Variants in HEATR4 observed in about 807,000 individuals in gnomAD.
The protein encoded by HEATR4 is HEAT repeat-containing protein 4.
Under a neutral mutation model 108.8 loss-of-function variants are expected in HEATR4, and 95 were observed. That is an observed-to-expected ratio of 0.87 (90% CI 0.74 to 1.04). The LOEUF is 1.04. HEATR4 is among the 50% of genes least tolerant of loss of function. The probability of loss-of-function intolerance (pLI) is 0.00; values close to 1 mark genes in which losing one functional copy is unlikely to be tolerated. For missense variants in HEATR4, 1,152 were observed against 1,253.8 expected (o/e 0.92, Z 1.23); for synonymous variants, 443 against 459.4 (o/e 0.96, Z 0.46).
rs199933128 is a variant in HEATR4 at position 73,532,288 on chromosome 14, C to T, written c.-151-2044G>A. 1.7e-5 allele frequency among the ~76,000 whole-genome samples: 2 copies of T among 115,544 alleles called. 1 individual carries two copies. Among genetic ancestry groups the T allele is most frequent in the East Asian group, 1.3e-3 (2 of 1,482 alleles). The allele number at this position is 115,544 out of a possible 152,430, so 75.8% of individuals were successfully genotyped here. ...GTTCAATCCTATTTTCCCTGATCTC[C>T]AAATCCTGGCTAGATTATTAGCCAT... is the stretch of plus-strand genomic sequence containing the variant. On this transcript the variant is annotated intron_variant, in intron 1 of 17. Transcript: ENST00000553558.
Position 73,551,368 on chromosome 14 carries a change from C to T in HEATR4, c.-152+7383G>A, listed in dbSNP as rs1374350246. 1.4e-4 allele frequency among the ~76,000 whole-genome samples: 16 copies of T among 114,628 alleles called. 5 individuals carry two copies. The South Asian group carries it at 1.7e-3, about 12-fold the overall frequency. The allele number at this position is 114,628 out of a possible 152,430, so 75.2% of individuals were successfully genotyped here. ...GTCAGGTGGTGGTTGACAGTTATCA[C>T]GTTGCCTCTCTAAACTGAAAATTCG... On this transcript the variant is annotated intron_variant, in intron 1 of 17. Coordinates refer to ENST00000553558, the MANE Select transcript of HEATR4 (RefSeq NM_001220484.1).
the HEATR4 span, among the ~76,000 whole-genome samples, chr14:73,589,259 C>T: frequency 1.3e-5 from 2 of 152,300 alleles, no homozygotes; most frequent in African/African-American, 4.8e-5. Flanking sequence ...TCCCTGGCAA[C>T]TACTGATCTT....
the HEATR4 span, among the ~76,000 whole-genome samples, chr14:73,623,968 C>T: frequency 6.6e-6 from 1 of 151,968 alleles, no homozygotes; most frequent in Non-Finnish European, 1.5e-5. Flanking sequence ...GCTTCTTGTA[C>T]AGCCTGCAGA....
At chr14:73,569,285 C>T in the HEATR4 span, 8 of 1,613,936 alleles carry the variant, frequency 5.0e-6, no homozygotes, top group Non-Finnish European at 6.8e-6. Context: ...CAGTTGTTCT[C>T]AGGTCTGAAT....
At chr14:73,569,305 C>A in the HEATR4 span, 1 of 1,613,816 alleles carries the variant, frequency 6.2e-7, no homozygotes, top group Admixed American at 1.7e-5. Context: ...TTCAAAATGG[C>A]CTCATCTCCT....
At chr14:73,514,723 G>C (rs1350560390) in intron 5 of HEATR4, among the ~76,000 whole-genome samples, 3 of 152,058 alleles carry the variant, frequency 2.0e-5, no homozygotes, top group Non-Finnish European at 4.4e-5. Context: ...TTTTCCTCAA[G>C]ACAACAGAAA....
intron 11 of HEATR4, among the ~76,000 whole-genome samples, chr14:73,502,611 G>A (rs1467123283): frequency 6.6e-6 from 1 of 151,924 alleles, no homozygotes; most frequent in Admixed American, 6.6e-5. Flanking sequence ...GCAGTGGCGC[G>A]ATCTCTGCTC....
intron 1 of HEATR4, chr14:73,537,950 TGTC>T: frequency 9.4e-7 from 1 of 1,067,918 alleles, no homozygotes; most frequent in Non-Finnish European, 1.2e-6. Context: ...TGTGTGTGTG[TGTC>T]CCCTTCGCCC....
chr14:73,503,675 A>G (rs1886625315), intron 10 of HEATR4, among the ~76,000 whole-genome samples: 1 of 152,188 alleles, frequency 6.6e-6, no homozygotes, highest in South Asian at 2.1e-4. Context: ...TCCTTAGTGA[A>G]GTCTTCTTTG....
the HEATR4 span, chr14:73,633,652 G>C: frequency 3.3e-5 from 5 of 152,192 alleles, no homozygotes; most frequent in African/African-American, 7.2e-5. Flanking sequence ...GCCAGAGGCC[G>C]GCACTTACCG....
chr14:73,622,470 T>C, the HEATR4 span, among the ~76,000 whole-genome samples: 1 of 152,126 alleles, frequency 6.6e-6, no homozygotes, highest in Non-Finnish European at 1.5e-5. Context: ...TGGTGCGATC[T>C]CGGCTCACCG....
the HEATR4 span, among the ~76,000 whole-genome samples, chr14:73,568,533 C>T: frequency 6.6e-6 from 1 of 151,766 alleles, no homozygotes; most frequent in African/African-American, 2.4e-5. Flanking sequence ...CCGCTGTACT[C>T]CAGTCTGGCA....
At chr14:73,506,709 A>G (rs1886851718) in intron 9 of HEATR4, 138 bp from the exon 10 acceptor site, 1 of 556,762 alleles carries the variant, frequency 1.8e-6, no homozygotes, top group South Asian at 2.5e-5. Context: ...TGTTTCCATC[A>G]CAGCCAACTG....
At chr14:73,508,409 C>T in intron 8 of HEATR4, 115 bp from the exon 9 acceptor site, 2 of 810,320 alleles carry the variant, frequency 2.5e-6, no homozygotes, top group Non-Finnish European at 4.0e-6. Context: ...CTTCCTTGTG[C>T]CCCACTCAGT....
chr14:73,585,483 A>T, the HEATR4 span, among the ~76,000 whole-genome samples: 1 of 152,058 alleles, frequency 6.6e-6, no homozygotes, highest in African/African-American at 2.4e-5. Flanking sequence ...TAAGGAGTTC[A>T]AGACCAGCCT....
chr14:73,546,600 G>A (rs1481695703), intron 1 of HEATR4, among the ~76,000 whole-genome samples: 1 of 114,516 alleles, frequency 8.7e-6, no homozygotes, highest in African/African-American at 2.8e-5. Context: ...CTGGGCTCAA[G>A]CAGTCTGTCC....
At position 73,522,590 on chromosome 14, in the gene HEATR4, C is replaced by G. The variant is rs1888042273; in HGVS notation, c.563G>C (p.Arg188Thr). 5.0e-6 allele frequency: 8 copies of G among 1,614,234 alleles called. No individual in the cohort carries two copies. In the East Asian group the frequency reaches 1.8e-4, roughly 36 times the overall value. ...PPSLDVNLEE[R>T]EAWLLPPEKE... ...CTCAGGAGGCAGAAGCCAGGCTTCT[C>G]TTTCCTCCAGGTTCACATCTAGAGA... The change falls in exon 3 of 18, where the codon AGA becomes ACA. Residue 188 changes from arginine (R) to threonine (T), a missense_variant. Arg to Thr is a moderately conservative substitution (Grantham distance 71). Transcript: ENST00000553558.
the HEATR4 span, among the ~76,000 whole-genome samples, chr14:73,622,272 G>A: frequency 6.6e-6 from 1 of 152,058 alleles, no homozygotes. Flanking sequence ...TATATGTATT[G>A]AAGAACTAGG....
Position 73,490,978 on chromosome 14 carries a change from C to T in HEATR4, c.2844+2088G>A, listed in dbSNP as rs779912739. 11 of 1,319,244 alleles carry T rather than the reference C, an allele frequency of 8.3e-6. No individual in the cohort carries two copies. The African/African-American group carries it at 1.2e-4, about 15-fold the overall frequency. The allele number at this position is 1,319,244 out of a possible 1,614,324, so 81.7% of individuals were successfully genotyped here. A position where few individuals can be genotyped will look rare whatever the true frequency, so the allele number is the denominator to read the frequency against. On this transcript the variant is annotated intron_variant, in intron 17 of 17. Transcript: ENST00000553558. The stretch of plus-strand genomic sequence containing the variant: ...CATTCAGGAACCGCTTTAGCTTCGC[C>T]CCCGGCCGGCCGGGCGGGGAAGACT...
Sources: allele counts gnomAD v4.1 joint callset (sites outside exome capture counted in the v4.1 genomes callset), GRCh38; gene constraint gnomAD v4.1.1; transcripts MANE v1.5; gene names NCBI Gene and HGNC (gene_info 2026-07-23, HGNC 2026-07-21).